ABI2: variants seen among roughly 807,000 people sequenced by gnomAD.
The protein encoded by ABI2 is abl interactor 2, also known as abelson interactor 2.
A neutral mutation model predicts 59.2 loss-of-function variants in ABI2; 25 were observed. That is an observed-to-expected ratio of 0.42 (90% CI 0.31 to 0.59). The LOEUF (loss-of-function observed/expected upper bound fraction) is 0.59, where lower values mean the gene tolerates loss of function less well. ABI2 is among the 20% of genes least tolerant of loss of function. ABI2 has a pLI of 0.14. For synonymous variants in ABI2, 213 were observed against 235.5 expected (o/e 0.90, Z 0.87); for missense variants, 545 against 681.8 (o/e 0.80, Z 2.23).
intron 2 of ABI2, among the ~76,000 whole-genome samples, chr2:203,370,352 T>G (rs574715959): frequency 6.6e-6 from 1 of 152,064 alleles, no homozygotes; most frequent in Non-Finnish European, 1.5e-5. Flanking sequence ...CCTCCCAAAG[T>G]GCTGGGATTA....
At position 203,427,199 on chromosome 2, in the gene ABI2, A is replaced by T; in HGVS notation, c.1476A>T (p.Thr492=). 6.2e-7 allele frequency: 1 copy of T among 1,614,042 alleles called. No homozygotes were observed. Among genetic ancestry groups the T allele is most frequent in the Non-Finnish European group, 8.5e-7 (1 of 1,179,966 alleles). Residue 492 remains threonine, a synonymous_variant, in exon 12 of 12, where the codon ACA becomes ACT. Transcript: ENST00000261018. ...LEKVVAIYDY[T]KDKEDELSFQ... is the part of the protein sequence containing the mutation. ...TAGTTGTGGCAATTTATGACTATAC[A>T]AAAGACAAGGAAGATGAGCTGTCCT...
chr2:203,338,983 AATATATAT>A (rs1212962939), intron 1 of ABI2, among the ~76,000 whole-genome samples: 1 of 12,356 alleles, frequency 8.1e-5, no homozygotes, highest in Non-Finnish European at 1.6e-4. Context: ...TATATATATA[AATATATAT>A]ATATATATAT....
intron 2 of ABI2, among the ~76,000 whole-genome samples, chr2:203,368,072 G>T (rs1426653898): frequency 6.6e-6 from 1 of 152,042 alleles, no homozygotes; most frequent in Non-Finnish European, 1.5e-5. Context: ...TAAAATTTTG[G>T]GTTCTGCTTT....
intron 1 of ABI2, chr2:203,328,905 C>G (rs1460451769): frequency 3.6e-6 from 1 of 279,446 alleles, no homozygotes; most frequent in African/African-American, 2.2e-5. Flanking sequence ...TCGGCCGCCC[C>G]CGCACTCCGC....
At position 203,358,115 on chromosome 2, in the gene ABI2, T is replaced by TGTGTGTGTG. The variant is rs57591649; in HGVS notation, c.118-8762_118-8761insGTGTGTGTG. ...TGTGTGTGTGTGTGTGTGTGTGTGT[T>TGTGTGTGTG]TGTTTGTTTGTTTGTTTTTGAGACA... On this transcript the variant is annotated intron_variant, in intron 1 of 11. Transcript: ENST00000261018. Among the ~76,000 whole-genome samples, 481 of 63,334 alleles carry TGTGTGTGTG rather than the reference T, an allele frequency of 7.6e-3. 4 individuals carry two copies. Among genetic ancestry groups the TGTGTGTGTG allele is most frequent in the East Asian group, 0.014 (26 of 1,908 alleles). The allele number at this position is 63,334 out of a possible 152,430, so 41.5% of individuals were successfully genotyped here. A position where few individuals can be genotyped will look rare whatever the true frequency, so the allele number is the denominator to read the frequency against.
chr2:203,345,414 G>A (rs1228875805), intron 1 of ABI2, among the ~76,000 whole-genome samples: 2 of 152,070 alleles, frequency 1.3e-5, no homozygotes, highest in African/African-American at 2.4e-5. Flanking sequence ...GAGGGTCCAC[G>A]GGTTCATTCT....
intron 1 of ABI2, among the ~76,000 whole-genome samples, chr2:203,353,125 G>A (rs1226398658): frequency 6.6e-6 from 1 of 152,164 alleles, no homozygotes; most frequent in Non-Finnish European, 1.5e-5. Context: ...AGTGATGCAT[G>A]ACTGTACTTC....
chr2:203,403,475 T>C (rs78871923), intron 9 of ABI2: 3,735 of 154,860 alleles, frequency 0.024, 170 homozygotes, highest in African/African-American at 0.085. Flanking sequence ...CCTTGAATTT[T>C]ATGGAGCTGC....
intron 9 of ABI2, among the ~76,000 whole-genome samples, chr2:203,405,389 G>A (rs1381597627): frequency 6.6e-6 from 1 of 152,012 alleles, no homozygotes; most frequent in Non-Finnish European, 1.5e-5. Context: ...ATATTCATTA[G>A]AATATTATTT....
chr2:203,380,903 A>G (rs1406849466), intron 3 of ABI2, among the ~76,000 whole-genome samples: 1 of 152,170 alleles, frequency 6.6e-6, no homozygotes, highest in Admixed American at 6.5e-5. Context: ...GTGTGTAGCT[A>G]TTACATATTT....
Position 203,377,832 on chromosome 2 carries a change from A to G in ABI2, c.286-2376A>G, listed in dbSNP as rs140067087. ...CAGGCGGGAGAATCATTTCAGCCTGAGAGGTCGAGGATGCAGTGAGCCATG... is the reference window on the plus strand; with the variant it reads ...CAGGCGGGAGAATCATTTCAGCCTGGGAGGTCGAGGATGCAGTGAGCCATG... On this transcript the variant is annotated intron_variant, in intron 2 of 11. Coordinates refer to ENST00000261018, the MANE Select transcript of ABI2 (RefSeq NM_001375670.1). Among the ~76,000 whole-genome samples, 9 of 152,286 alleles carry G rather than the reference A, an allele frequency of 5.9e-5. No individual in the cohort carries two copies. In the East Asian group the frequency reaches 9.7e-4, roughly 16 times the overall value.
chr2:203,363,757 A>ATTTTC (rs546930688), intron 1 of ABI2, among the ~76,000 whole-genome samples: 1 of 151,598 alleles, frequency 6.6e-6, no homozygotes, highest in Non-Finnish European at 1.5e-5. Flanking sequence ...TATGTACCAT[A>ATTTTC]TTTTCTTTTC....
intron 9 of ABI2, among the ~76,000 whole-genome samples, chr2:203,408,083 A>G (rs1444350960): frequency 1.3e-5 from 2 of 152,228 alleles, no homozygotes; most frequent in East Asian, 1.9e-4. Context: ...GCCTTAGACT[A>G]GCTTTGAAAA....
At chr2:203,372,900 C>T (rs1045030313) in intron 2 of ABI2, among the ~76,000 whole-genome samples, 44 of 151,264 alleles carry the variant, frequency 2.9e-4, no homozygotes, top group African/African-American at 1.0e-3. Flanking sequence ...ACATCTCAGG[C>T]GATGGGCGGC....
At chr2:203,356,189 T>G (rs1053266484) in intron 1 of ABI2, among the ~76,000 whole-genome samples, 2 of 152,032 alleles carry the variant, frequency 1.3e-5, no homozygotes, top group African/African-American at 4.8e-5. Flanking sequence ...CTGAAAAAAT[T>G]AACTTGTGTT....
At chr2:203,380,811 A>G (rs949314037) in intron 3 of ABI2, among the ~76,000 whole-genome samples, 3 of 152,212 alleles carry the variant, frequency 2.0e-5, no homozygotes, top group Non-Finnish European at 2.9e-5. Context: ...GAATTTTTCT[A>G]AAATAATTTT....
chr2:203,372,793 T>C (rs1266766418), intron 2 of ABI2, among the ~76,000 whole-genome samples: 1 of 134,948 alleles, frequency 7.4e-6, no homozygotes, highest in Non-Finnish European at 1.6e-5. Context: ...ACTTCTCAGA[T>C]GGGGCGGCCG....
chr2:203,408,406 G>C (rs1033995826), intron 9 of ABI2, among the ~76,000 whole-genome samples: 5 of 150,762 alleles, frequency 3.3e-5, no homozygotes, highest in Non-Finnish European at 7.4e-5. Context: ...CAGGTGATGC[G>C]CCCCCCTCGG....
intron 4 of ABI2, among the ~76,000 whole-genome samples, chr2:203,385,152 T>TTTTTTTTTTTTTTTTTTTTTTTTA (rs71007511): frequency 3.9e-5 from 2 of 51,840 alleles, no homozygotes; most frequent in Non-Finnish European, 5.6e-5. Flanking sequence ...TTTTTTTTTT[T>TTTTTTTTTTTTTTTTTTTTTTTTA]GAGACAGTCT....
Sources: gnomAD v4.1 joint callset for allele counts (sites outside exome capture counted in the v4.1 genomes callset) on GRCh38, gnomAD v4.1.1 for gene constraint, MANE v1.5 for transcripts, NCBI Gene and HGNC (gene_info 2026-07-23, HGNC 2026-07-21) for gene names.